The following VIT variants were observed in gnomAD, a reference collection of about 807,000 sequenced individuals.
VIT encodes the protein vitrin.
Under a neutral mutation model 78.0 loss-of-function variants are expected in VIT, and 99 were observed. The observed-to-expected ratio is 1.27, with a 90% CI of 1.08 to 1.50. The LOEUF (loss-of-function observed/expected upper bound fraction) is 1.50. Among genes scored for constraint, VIT ranks in the 40% most tolerant of loss-of-function variants. The probability of loss-of-function intolerance (pLI) is 0.00; values close to 1 mark genes in which losing one functional copy is unlikely to be tolerated. For synonymous variants in VIT, 374 were observed against 334.3 expected, an observed-to-expected ratio of 1.12 and a Z score of -1.29; for missense variants, 1,126 against 875.3, an observed-to-expected ratio of 1.29 and a Z score of -3.61.
intron 5 of VIT, among the ~76,000 whole-genome samples, chr2:36,758,343 T>C (rs1214348341): frequency 6.6e-6 from 1 of 152,236 alleles, no homozygotes; most frequent in Non-Finnish European, 1.5e-5. Flanking sequence ...AAAGACCATA[T>C]GGTGGAATTT....
intron 6 of VIT, among the ~76,000 whole-genome samples, chr2:36,765,157 C>T (rs562606934): frequency 1.5e-3 from 229 of 152,238 alleles, no homozygotes; most frequent in African/African-American, 5.4e-3. Flanking sequence ...GGCGGTTATT[C>T]TGGATTCCCC....
At chr2:36,753,370 A>G (rs1668581536) in intron 4 of VIT, among the ~76,000 whole-genome samples, 1 of 151,258 alleles carries the variant, frequency 6.6e-6, no homozygotes, top group Non-Finnish European at 1.5e-5. Flanking sequence ...ACTTAAAATA[A>G]AAGTTGAAGA....
chr2:36,747,417 C>T (rs1208422039), intron 4 of VIT, among the ~76,000 whole-genome samples: 2 of 152,134 alleles, frequency 1.3e-5, no homozygotes, highest in Admixed American at 6.6e-5. Context: ...ACTATTATCA[C>T]ATGGCTGTCT....
chr2:36,738,738 T>C (rs951288992), intron 3 of VIT, among the ~76,000 whole-genome samples: 2 of 152,212 alleles, frequency 1.3e-5, no homozygotes, highest in Non-Finnish European at 2.9e-5. Context: ...TCAAGCTAAG[T>C]GTGCGAGACA....
chr2:36,775,518 A>G (rs1323591462), intron 9 of VIT, among the ~76,000 whole-genome samples: 1 of 152,140 alleles, frequency 6.6e-6, no homozygotes, highest in African/African-American at 2.4e-5. Flanking sequence ...GTTTGTTTCA[A>G]TGCTGTATTC....
intron 4 of VIT, among the ~76,000 whole-genome samples, chr2:36,746,237 T>C (rs1048900274): frequency 6.6e-6 from 1 of 152,186 alleles, no homozygotes; most frequent in Non-Finnish European, 1.5e-5. Context: ...TTTGCATCTA[T>C]GTTCATCAGA....
intron 2 of VIT, among the ~76,000 whole-genome samples, chr2:36,717,261 C>T (rs1348449989): frequency 6.7e-6 from 1 of 148,466 alleles, no homozygotes; most frequent in Non-Finnish European, 1.5e-5. Flanking sequence ...TCACTGCAAG[C>T]TCTCCCTCCC....
At chr2:36,719,417 T>G (rs1666356156) in intron 2 of VIT, among the ~76,000 whole-genome samples, 1 of 152,148 alleles carries the variant, frequency 6.6e-6, no homozygotes, top group Non-Finnish European at 1.5e-5. Context: ...AACATGATAT[T>G]ATATACAGAA....
intron 12 of VIT, among the ~76,000 whole-genome samples, chr2:36,791,871 C>T (rs1487083128): frequency 6.6e-6 from 1 of 152,130 alleles, no homozygotes; most frequent in South Asian, 2.1e-4. Context: ...TTTGTTACAA[C>T]AGCAATAGGA....
chr2:36,783,465 T>G, intron 11 of VIT, 63 bp downstream of exon 11: 5 of 1,539,218 alleles, frequency 3.2e-6, no homozygotes, highest in Non-Finnish European at 4.5e-6. Flanking sequence ...CTCTCCTCTC[T>G]TCCCACTCAC....
At chr2:36,795,789 C>T (rs183023814) in intron 12 of VIT, among the ~76,000 whole-genome samples, 35 of 152,168 alleles carry the variant, frequency 2.3e-4, no homozygotes, top group Admixed American at 2.2e-3. Context: ...TTGTGCTTGT[C>T]TTTGGTGATT....
chr2:36,726,374 T>A (rs556660231), intron 2 of VIT, among the ~76,000 whole-genome samples: 8 of 152,326 alleles, frequency 5.3e-5, no homozygotes, highest in African/African-American at 1.9e-4. Context: ...AGGGATCAAA[T>A]GTTTGTTTAA....
intron 2 of VIT, among the ~76,000 whole-genome samples, chr2:36,716,808 A>G (rs1666164053): frequency 6.6e-6 from 1 of 151,562 alleles, no homozygotes; most frequent in Non-Finnish European, 1.5e-5. Flanking sequence ...ATGAACAAAA[A>G]TTCTTACCGC....
At chr2:36,698,568 C>T (rs938711750) in intron 1 of VIT, among the ~76,000 whole-genome samples, 4 of 152,208 alleles carry the variant, frequency 2.6e-5, no homozygotes, top group African/African-American at 9.6e-5. Context: ...AATGCCTGTA[C>T]ACCCTCCCTC....
chr2:36,699,622 A>ACAGG (rs764716414), intron 1 of VIT, among the ~76,000 whole-genome samples: 1 of 137,240 alleles, frequency 7.3e-6, no homozygotes, highest in African/African-American at 2.7e-5. Flanking sequence ...AGATAGATAT[A>ACAGG]TAGGTAGATA....
chr2:36,700,158 A>C (rs1664962077), intron 1 of VIT, among the ~76,000 whole-genome samples: 1 of 152,206 alleles, frequency 6.6e-6, no homozygotes, highest in South Asian at 2.1e-4. Context: ...TGTGATATTA[A>C]TATAATCATT....
chr2:36,777,036 C>A (rs1223745124), intron 9 of VIT, among the ~76,000 whole-genome samples: 1 of 147,032 alleles, frequency 6.8e-6, no homozygotes, highest in African/African-American at 2.4e-5. Flanking sequence ...TTGCAGTGAG[C>A]CGAGATCACG....
intron 15 of VIT, among the ~76,000 whole-genome samples, chr2:36,812,490 G>A (rs1469687497): frequency 5.9e-5 from 9 of 152,110 alleles, no homozygotes; most frequent in Admixed American, 5.9e-4. Flanking sequence ...ACCACCCCGG[G>A]CAGTCTCCCA....
intron 12 of VIT, among the ~76,000 whole-genome samples, chr2:36,795,546 G>C (rs1025484033): frequency 6.6e-6 from 1 of 151,880 alleles, no homozygotes; most frequent in Admixed American, 6.6e-5. Flanking sequence ...CCGAGTAGCT[G>C]GGATTACAGG....
Sources: gnomAD v4.1 joint callset for allele counts (sites outside exome capture counted in the v4.1 genomes callset) on GRCh38, gnomAD v4.1.1 for gene constraint, MANE v1.5 for transcripts, NCBI Gene and HGNC (gene_info 2026-07-23, HGNC 2026-07-21) for gene names.